Variants in ZBED6 observed in about 807,000 individuals in gnomAD.
ZBED6 encodes the protein zinc finger BED-type containing 6.
In ZBED6, 40 loss-of-function variants were observed where a neutral mutation model predicts 58.4. The observed-to-expected ratio is 0.68, with a 90% CI of 0.53 to 0.89. ZBED6 has a LOEUF of 0.89. Among genes scored for constraint, ZBED6 ranks in the 40% least tolerant of loss-of-function variants. The pLI, the probability that ZBED6 is intolerant of heterozygous loss-of-function variation, is 0.00. For missense variants in ZBED6, 1,057 were observed against 1,003.9 expected, an observed-to-expected ratio of 1.05 and a Z score of -0.71; for synonymous variants, 439 against 350.6, an observed-to-expected ratio of 1.25 and a Z score of -2.82.
intron 4 of ZBED6, 86 bp downstream of exon 4, chr1:203,828,508 C>T (rs80192987): frequency 6.8e-7 from 1 of 1,464,994 alleles, no homozygotes; most frequent in South Asian, 1.3e-5. Flanking sequence ...ACATTGACTC[C>T]TTTCAGTCTT....
chr1:203,799,233 C>A, exon 1 of ZBED6: 1 of 868,464 alleles, frequency 1.2e-6, no homozygotes, highest in Non-Finnish European at 1.9e-6. Flanking sequence ...TAATGTGGTA[C>A]ATGCAATCAA....
intron 12 of ZBED6, among the ~76,000 whole-genome samples, chr1:203,848,079 C>T (rs556755061): frequency 9.2e-5 from 14 of 152,158 alleles, no homozygotes; most frequent in Non-Finnish European, 1.6e-4. Context: ...TGGTCTCAAA[C>T]TCCTCACCTC....
At chr1:203,852,263 C>T in exon 17 of ZBED6, 1 of 1,613,688 alleles carries the variant, frequency 6.2e-7, no homozygotes, top group Non-Finnish European at 8.5e-7. Flanking sequence ...GGAAAGCCCC[C>T]ACTCTCTGTG....
intron 11 of ZBED6, among the ~76,000 whole-genome samples, chr1:203,845,226 G>A (rs150682835): frequency 2.6e-5 from 4 of 152,210 alleles, no homozygotes; most frequent in African/African-American, 4.8e-5. Flanking sequence ...CTCATTGCTG[G>A]TGTGGATTTA....
chr1:203,840,703 A>T (rs1017186790), intron 11 of ZBED6, among the ~76,000 whole-genome samples: 4 of 151,832 alleles, frequency 2.6e-5, no homozygotes, highest in Admixed American at 1.3e-4. Context: ...GCAAGGTCTC[A>T]GCTCACTGCA....
chr1:203,844,461 G>C (rs916547385), intron 11 of ZBED6, among the ~76,000 whole-genome samples: 1 of 152,184 alleles, frequency 6.6e-6, no homozygotes, highest in African/African-American at 2.4e-5. Flanking sequence ...GAGTCACTGC[G>C]CCTGGCCTGC....
chr1:203,849,647 A>G (rs112222381), intron 13 of ZBED6, 64 bp from the exon 14 acceptor site: 1 of 1,467,178 alleles, frequency 6.8e-7, no homozygotes, highest in Non-Finnish European at 9.4e-7. Context: ...TTAGCCTGGT[A>G]CTTACATCAT....
At chr1:203,848,356 G>A in exon 13 of ZBED6, 1 of 1,612,992 alleles carries the variant, frequency 6.2e-7, no homozygotes, top group South Asian at 1.1e-5. Context: ...AGAACCTTCA[G>A]GAAGGAAATG....
rs1483440093 is a variant in ZBED6, at chr1:203,800,307, C to T, written c.2785C>T (p.Gln929Ter). ...TAAAAATAGCCACTTTCATCCAAAA[C>T]AGATCATGAGCCTGGACTTTGACAA... is the stretch of plus-strand genomic sequence containing the variant. The change falls in exon 1 of 17, where the codon CAG becomes TAG. Residue 929 changes from glutamine (Q) to a stop codon, truncating the protein, a stop_gained. Coordinates refer to ENST00000550078, the Ensembl canonical transcript of ZBED6. LOFTEE classifies it high-confidence loss of function. The T allele has an allele frequency of 1.1e-6, 1 of 901,812 alleles. No homozygotes were observed. The highest frequency in any genetic ancestry group is 1.8e-6 in the Non-Finnish European group (1 of 567,188). The allele number at this position is 901,812 out of a possible 1,614,324, so 55.9% of individuals were successfully genotyped here.
chr1:203,817,711 G>A (rs1024774992), intron 2 of ZBED6, among the ~76,000 whole-genome samples: 2 of 151,654 alleles, frequency 1.3e-5, no homozygotes, highest in Non-Finnish European at 2.9e-5. Flanking sequence ...TTCTATAAAC[G>A]TATATGTTAA....
chr1:203,833,944 T>C, intron 9 of ZBED6, 91 bp downstream of exon 9: 1 of 1,479,116 alleles, frequency 6.8e-7, no homozygotes, highest in Non-Finnish European at 9.0e-7. Flanking sequence ...CAGATCTTTG[T>C]TATTGGTGCC....
In ZBED6 at chr1:203,836,464, A is replaced by G. The variant is rs539230690; in HGVS notation, c.*3574-1502A>G. 3.3e-5 allele frequency among the ~76,000 whole-genome samples: 5 copies of G among 152,310 alleles called. 1 individual carries two copies. In the South Asian group the frequency reaches 1.0e-3, roughly 32 times the overall value. ...TTGTATTGAACAGTGTAATAAAACTAGAAGGCTGGGCGCGGTAGCTTACGC... is the reference window on the plus strand; with the variant it reads ...TTGTATTGAACAGTGTAATAAAACTGGAAGGCTGGGCGCGGTAGCTTACGC... On this transcript the variant is annotated intron_variant, in intron 9 of 16. Transcript: ENST00000550078.
chr1:203,838,536 G>A (rs1386406310), intron 10 of ZBED6, among the ~76,000 whole-genome samples: 1 of 152,230 alleles, frequency 6.6e-6, no homozygotes, highest in Non-Finnish European at 1.5e-5. Context: ...GTATGCTCAA[G>A]GAACTGCATA....
At chr1:203,838,448 T>C (rs956069706) in intron 10 of ZBED6, among the ~76,000 whole-genome samples, 2 of 152,210 alleles carry the variant, frequency 1.3e-5, no homozygotes, top group African/African-American at 2.4e-5. Context: ...AGTTAGAAAT[T>C]AGCCAGGTGA....
At chr1:203,806,308 C>CTTT in intron 1 of ZBED6, 1 of 211,982 alleles carries the variant, frequency 4.7e-6, no homozygotes, top group South Asian at 5.7e-5. Context: ...TTTCTTTTTC[C>CTTT]TTTTTTTTTT....
rs1572250760 is a variant in ZBED6, at chr1:203,837,520, C to T, written c.*3574-446C>T. Among the ~76,000 whole-genome samples the T allele has an allele frequency of 2.0e-5, 3 of 149,790 alleles. No individual in the cohort carries two copies. The Admixed American group carries it at 2.0e-4, about 10-fold the overall frequency. ...CCAGGCAGGAGTGTAGTATTATGAT[C>T]ATAGCTCAGTATTATGATCATAGCT... On this transcript the variant is annotated intron_variant, in intron 9 of 16. Transcript: ENST00000550078.
intron 1 of ZBED6, among the ~76,000 whole-genome samples, chr1:203,810,862 C>T (rs760923096): frequency 2.6e-5 from 4 of 151,664 alleles, no homozygotes; most frequent in East Asian, 1.9e-4. Context: ...GTGGGCCAGA[C>T]GCTCACGCCT....
intron 4 of ZBED6, among the ~76,000 whole-genome samples, chr1:203,828,828 A>G (rs781213031): frequency 7.2e-5 from 11 of 152,218 alleles, no homozygotes; most frequent in Non-Finnish European, 1.5e-4. Flanking sequence ...AGAATTGAGT[A>G]GTTGAGACAG....
chr1:203,825,621 A>C (rs139073945), intron 3 of ZBED6, among the ~76,000 whole-genome samples: 4 of 152,100 alleles, frequency 2.6e-5, no homozygotes, highest in African/African-American at 9.6e-5. Context: ...TTTTTAGTAG[A>C]GACGGGGTTT....
Sources: allele counts gnomAD v4.1 joint callset (sites outside exome capture counted in the v4.1 genomes callset), GRCh38; gene constraint gnomAD v4.1.1; transcripts MANE v1.5; gene names NCBI Gene and HGNC (gene_info 2026-07-23, HGNC 2026-07-21).